The following CCDC33 variants were observed in gnomAD, a reference collection of about 807,000 sequenced individuals.
The protein encoded by CCDC33 is coiled-coil domain containing 33, also known as coiled-coil domain-containing protein 33.
Under a neutral mutation model 91.9 loss-of-function variants are expected in CCDC33, and 94 were observed. That is an observed-to-expected ratio of 1.02 (90% confidence interval 0.87 to 1.21). CCDC33 has a LOEUF of 1.21. CCDC33 is among the 50% of genes most tolerant of loss of function. The pLI, the probability that CCDC33 is intolerant of heterozygous loss-of-function variation, is 0.00. For missense variants in CCDC33, 940 were observed against 935.5 expected (o/e 1.00, Z -0.06); for synonymous variants, 396 against 374.5 (o/e 1.06, Z -0.66).
In CCDC33 at chr15:74,331,106, A is replaced by G; in HGVS notation, c.1671A>G (p.Gln557=). ...MKALEETVRH[Q]EKVIEKMERV... is the part of the protein sequence containing the mutation. ...CGCTGGAGGAGACTGTGCGGCACCA[A>G]GAGAAGGCAGGTGGCAGAGGGGCTG... Residue 557 remains glutamine (Q), a synonymous_variant, in exon 14 of 19, where the codon CAA becomes CAG. Coordinates refer to ENST00000398814, the MANE Select transcript of CCDC33 (RefSeq NM_025055.5). 6.2e-7 allele frequency: 1 copy of G among 1,613,448 alleles called. No homozygotes were observed. Among genetic ancestry groups the G allele is most frequent in the Non-Finnish European group, 8.5e-7 (1 of 1,179,588 alleles).
intron 1 of CCDC33, 44 bp downstream of exon 1, chr15:74,236,784 C>T: frequency 1.3e-6 from 2 of 1,594,852 alleles, no homozygotes; most frequent in Non-Finnish European, 1.7e-6. Context: ...GAATCCGTCC[C>T]TCCTTCAAAG....
At position 74,279,960 on chromosome 15, in the gene CCDC33, C is replaced by T. The variant is rs751306190; in HGVS notation, c.760-3C>T. On this transcript the variant is annotated splice_region_variant and splice_polypyrimidine_tract_variant and intron_variant, in intron 7 of 18. Coordinates refer to ENST00000398814, the MANE Select transcript of CCDC33 (RefSeq NM_025055.5). The stretch of plus-strand genomic sequence containing the variant: ...ACCACCTGCTCCTACCCTCTCCCTC[C>T]AGCTGTCCAAGCCTGGGGGACCCCC... 7 of 1,613,642 alleles carry T rather than the reference C, an allele frequency of 4.3e-6. No homozygotes were observed. Among genetic ancestry groups the T allele is most frequent in the East Asian group, 2.2e-5 (1 of 44,888 alleles).
At position 74,333,887 on chromosome 15, in the gene CCDC33, C is replaced by T. The variant is rs1374894337; in HGVS notation, c.1945C>T (p.Leu649Phe). 1.2e-5 allele frequency: 20 copies of T among 1,613,182 alleles called. No individual in the cohort carries two copies. The highest frequency in any genetic ancestry group is 6.7e-5 in the East Asian group (3 of 44,882). The change falls in exon 17 of 19, where the codon CTC becomes TTC. Residue 649 changes from leucine (L) to phenylalanine (F), a missense_variant. Coordinates refer to ENST00000398814, the MANE Select transcript of CCDC33 (RefSeq NM_025055.5). ...ILQQQALPDL[L>F]SGTSDKFNLL... ...GTTTGTGCTTTGCCCACAGGATCTC[C>T]TCTCTGGTACTTCAGACAAGTTCAA...
At chr15:74,310,879 T>A (rs1412925200) in intron 11 of CCDC33, among the ~76,000 whole-genome samples, 2 of 152,192 alleles carry the variant, frequency 1.3e-5, no homozygotes, top group Non-Finnish European at 2.9e-5. Flanking sequence ...GCCTTGAGGC[T>A]CAAGCCTCAA....
At chr15:74,220,760 C>T (rs1296543591) in intron 2 of CCDC33, among the ~76,000 whole-genome samples, 1 of 152,200 alleles carries the variant, frequency 6.6e-6, no homozygotes, top group African/African-American at 2.4e-5. Flanking sequence ...AAAATCGCTT[C>T]CCTGGGGGAG....
chr15:74,241,909 A>C (rs1037319631), intron 1 of CCDC33, among the ~76,000 whole-genome samples: 14 of 152,204 alleles, frequency 9.2e-5, no homozygotes, highest in Non-Finnish European at 2.1e-4. Context: ...ATCGCCATTA[A>C]CTCATTAACG....
intron 1 of CCDC33, among the ~76,000 whole-genome samples, chr15:74,241,877 C>T (rs988168707): frequency 1.3e-5 from 2 of 152,152 alleles, no homozygotes; most frequent in Admixed American, 1.3e-4. Context: ...AGATGTGGGG[C>T]TTGAACAACT....
intron 17 of CCDC33, 106 bp from the exon 18 acceptor site, chr15:74,334,869 G>A: frequency 1.0e-6 from 1 of 986,004 alleles, no homozygotes; most frequent in Non-Finnish European, 1.6e-6. Flanking sequence ...ATGGCCCAGA[G>A]CTTTGCTTTC....
chr15:74,218,583 C>T lies in CCDC33; in HGVS notation c.397C>T (p.Arg133Trp), dbSNP rs549514707. The T allele has an allele frequency of 2.4e-4, 307 of 1,289,834 alleles. 2 individuals are homozygous for T. In the South Asian group the frequency reaches 3.4e-3, roughly 14 times the overall value. The allele number at this position is 1,289,834 out of a possible 1,614,324, so 79.9% of individuals were successfully genotyped here. The change falls in exon 2 of 3, where the codon CGG becomes TGG. Residue 133 changes from arginine to tryptophan, a missense_variant. Transcript: ENST00000635913. This position sits in a 1 kb window ranked among gnomAD's most constrained non-coding sequence, Gnocchi z 4.8. Reference sequence around the variant, plus strand: ...CGAACCCTTGGGACGGGCAGCCCAGCGGGTGGGTGAGGCCATCTTCCCCAT... The same window carrying T: ...CGAACCCTTGGGACGGGCAGCCCAGTGGGTGGGTGAGGCCATCTTCCCCAT...
intron 2 of CCDC33, among the ~76,000 whole-genome samples, chr15:74,226,865 A>T (rs1026698743): frequency 3.3e-5 from 5 of 151,272 alleles, no homozygotes; most frequent in Non-Finnish European, 7.4e-5. Context: ...GTGTGAGCAA[A>T]GGCGTGGAGG....
intron 11 of CCDC33, among the ~76,000 whole-genome samples, chr15:74,324,183 C>G (rs1400243502): frequency 3.3e-5 from 5 of 151,526 alleles, no homozygotes; most frequent in Non-Finnish European, 7.4e-5. Context: ...TCTCGAATCA[C>G]TCTGGCCTAA....
chr15:74,207,640 G>C lies in CCDC33; in HGVS notation n.90-1748G>C. On this transcript the variant is annotated intron_variant and non_coding_transcript_variant, in intron 1 of 3. Transcript: ENST00000558645. ...GGTACACCCCCAACTTCGATAGCACGGAAGAGAACACGCAAGAGAGGCGTT... is the reference window on the plus strand; with the variant it reads ...GGTACACCCCCAACTTCGATAGCACCGAAGAGAACACGCAAGAGAGGCGTT... 11 of 1,470,528 alleles carry C rather than the reference G, an allele frequency of 7.5e-6. No individual in the cohort carries two copies. In the South Asian group the frequency reaches 1.3e-4, roughly 18 times the overall value. The allele number at this position is 1,470,528 out of a possible 1,614,324, so 91.1% of individuals were successfully genotyped here.
chr15:74,330,475 G>A, intron 12 of CCDC33, 121 bp downstream of exon 12: 2 of 1,225,454 alleles, frequency 1.6e-6, no homozygotes, highest in South Asian at 3.0e-5. Context: ...CTGGCAAATA[G>A]GAGCCCCTCG....
At chr15:74,285,975 CGGTGGCT>C (rs2059465613) in intron 10 of CCDC33, among the ~76,000 whole-genome samples, 2 of 152,156 alleles carry the variant, frequency 1.3e-5, no homozygotes, top group African/African-American at 4.8e-5. Context: ...TGGCTGGGTG[CGGTGGCT>C]CACGCCTGTA....
upstream of CCDC33, among the ~76,000 whole-genome samples, chr15:74,235,550 T>C (rs1401514564): frequency 1.3e-5 from 2 of 152,142 alleles, no homozygotes; most frequent in East Asian, 3.9e-4. Flanking sequence ...TAGCCCAGGA[T>C]TTCTGATCAT....
chr15:74,215,512 G>A (rs2074417356), upstream of CCDC33, among the ~76,000 whole-genome samples: 1 of 152,008 alleles, frequency 6.6e-6, no homozygotes, highest in Non-Finnish European at 1.5e-5. Flanking sequence ...GGTTAGGATG[G>A]TACATTTTAT....
intron 11 of CCDC33, among the ~76,000 whole-genome samples, chr15:74,312,790 G>GGACCC (rs2060016866): frequency 6.6e-6 from 1 of 152,068 alleles, no homozygotes; most frequent in Non-Finnish European, 1.5e-5. Flanking sequence ...CCTCAGTCTA[G>GGACCC]GACCCCTGAA....
intron 1 of CCDC33, among the ~76,000 whole-genome samples, chr15:74,217,896 C>T (rs1329550174): frequency 6.6e-6 from 1 of 152,058 alleles, no homozygotes; most frequent in African/African-American, 2.4e-5. Context: ...CAGTCCTGAG[C>T]AGTGGACATT....
upstream of CCDC33, among the ~76,000 whole-genome samples, chr15:74,233,647 G>A (rs2075054125): frequency 6.6e-6 from 1 of 152,182 alleles, no homozygotes; most frequent in Non-Finnish European, 1.5e-5. Context: ...CTGCACTAGA[G>A]AGAACTTGCC....
Sources: gnomAD v4.1 joint callset for allele counts (sites outside exome capture counted in the v4.1 genomes callset) on GRCh38, gnomAD v4.1.1 for gene constraint, Gnocchi (gnomAD v3.1) non-coding constraint, MANE v1.5 for transcripts, NCBI Gene and HGNC (gene_info 2026-07-23, HGNC 2026-07-21) for gene names.